Variants in GRIA4 observed in about 807,000 individuals in gnomAD.
GRIA4 encodes the protein glutamate ionotropic receptor AMPA type subunit 4, also known as glutamate receptor 4.
Under a neutral mutation model 104.0 loss-of-function variants are expected in GRIA4, and 34 were observed. The observed-to-expected ratio is 0.33, with a 90% confidence interval of 0.25 to 0.44. The LOEUF (loss-of-function observed/expected upper bound fraction) is 0.44. Ranked by LOEUF, GRIA4 falls within the 20% of genes least tolerant of loss-of-function variation. The pLI is 1.00. For missense variants in GRIA4, 750 were observed against 1,096.5 expected (o/e 0.68, Z 4.46); for synonymous variants, 386 against 381.9 (o/e 1.01, Z -0.13).
At chr11:105,761,555 A>C (rs1591209735) in intron 4 of GRIA4, among the ~76,000 whole-genome samples, 1 of 152,188 alleles carries the variant, frequency 6.6e-6, no homozygotes, top group South Asian at 2.1e-4. Context: ...CTAGGACTCA[A>C]CTGCCTCTGT....
At chr11:105,622,686 A>T (rs1950779934) in intron 3 of GRIA4, among the ~76,000 whole-genome samples, 1 of 151,338 alleles carries the variant, frequency 6.6e-6, no homozygotes, top group African/African-American at 2.4e-5. Context: ...TTTTATTTTA[A>T]TTTTTTTACT....
chr11:105,979,239 TAAA>T (rs879486467), intron 16 of GRIA4, among the ~76,000 whole-genome samples: 2 of 152,202 alleles, frequency 1.3e-5, no homozygotes, highest in Non-Finnish European at 2.9e-5. Context: ...TTGTCAAACA[TAAA>T]AGAGCTTTTA....
rs191117770 is a variant in GRIA4 at position 105,666,685 on chromosome 11, C to G, written c.247+54251C>G. 1.1e-4 allele frequency among the ~76,000 whole-genome samples: 16 copies of G among 151,908 alleles called. No homozygotes were observed. The South Asian group carries it at 1.7e-3, about 16-fold the overall frequency. ...TTTTGAAGTATTTATAAAAGAATAG[C>G]TAAATACACGTTGTGGTTAACTTAA... On this transcript the variant is annotated intron_variant, in intron 3 of 16. Coordinates refer to ENST00000282499, the MANE Select transcript of GRIA4 (RefSeq NM_000829.4).
chr11:105,688,983 G>A (rs910469190), intron 3 of GRIA4, among the ~76,000 whole-genome samples: 3 of 152,074 alleles, frequency 2.0e-5, no homozygotes, highest in African/African-American at 7.2e-5. Context: ...TGATGAACTG[G>A]GGGAAAATAC....
Position 105,924,500 on chromosome 11 carries a change from C to G in GRIA4, c.1578C>G (p.Ile526Met). 6.2e-7 allele frequency: 1 copy of G among 1,613,194 alleles called. No individual in the cohort carries two copies. The highest frequency in any genetic ancestry group is 8.5e-7 in the Non-Finnish European group (1 of 1,179,376). The change falls in exon 12 of 17, where the codon ATC becomes ATG. Residue 526 changes from isoleucine to methionine, a missense_variant. Ile to Met is a conservative substitution (Grantham distance 10). Transcript: ENST00000282499. ...TGAGTTTGGGCATATCTATCATGAT[C>G]AAAAAGCCTCAGAAATCCAAACCAG... is the stretch of plus-strand genomic sequence containing the variant. ...PFMSLGISIM[I>M]KKPQKSKPGV... is the part of the protein sequence containing the mutation.
chr11:105,755,149 G>C (rs1338913249), intron 4 of GRIA4, among the ~76,000 whole-genome samples: 1 of 152,168 alleles, frequency 6.6e-6, no homozygotes. Context: ...AGAGTAGTAT[G>C]TTTATGCAGG....
chr11:105,638,668 AT>A (rs1479607366), intron 3 of GRIA4, among the ~76,000 whole-genome samples: 1 of 151,878 alleles, frequency 6.6e-6, no homozygotes, highest in African/African-American at 2.4e-5. Flanking sequence ...ACTATTCTCC[AT>A]TTACTCTATT....
At chr11:105,849,417 G>A (rs1050298126) in intron 4 of GRIA4, among the ~76,000 whole-genome samples, 1 of 152,138 alleles carries the variant, frequency 6.6e-6, no homozygotes, top group African/African-American at 2.4e-5. Context: ...GACACCTAGT[G>A]TAACCTCTGA....
At chr11:105,806,462 A>T (rs927738848) in intron 4 of GRIA4, among the ~76,000 whole-genome samples, 1 of 151,920 alleles carries the variant, frequency 6.6e-6, no homozygotes, top group Admixed American at 6.6e-5. Flanking sequence ...ATATTGATTG[A>T]AAATGTATTT....
At chr11:105,907,914 A>C (rs1001215623) in intron 9 of GRIA4, among the ~76,000 whole-genome samples, 2 of 152,160 alleles carry the variant, frequency 1.3e-5, no homozygotes, top group African/African-American at 4.8e-5. Context: ...CCTGCAGCTC[A>C]AACCAAAATT....
chr11:105,932,140 C>CT (rs1301780953), intron 13 of GRIA4, among the ~76,000 whole-genome samples: 6 of 151,044 alleles, frequency 4.0e-5, no homozygotes, highest in Non-Finnish European at 5.9e-5. Context: ...CTTTTCTTTT[C>CT]TTTTTTTCTT....
intron 14 of GRIA4, among the ~76,000 whole-genome samples, chr11:105,965,537 T>C (rs1858315317): frequency 6.9e-6 from 1 of 145,306 alleles, no homozygotes; most frequent in African/African-American, 2.6e-5. Context: ...TGATGGTTTG[T>C]ATATGCCATT....
chr11:105,808,838 T>A (rs1424809122), intron 4 of GRIA4, among the ~76,000 whole-genome samples: 1 of 152,118 alleles, frequency 6.6e-6, no homozygotes, highest in Non-Finnish European at 1.5e-5. Flanking sequence ...AACAGAAAGA[T>A]CTACAGCTAA....
chr11:105,769,271 T>C (rs1045372109), intron 4 of GRIA4, among the ~76,000 whole-genome samples: 1 of 152,074 alleles, frequency 6.6e-6, no homozygotes, highest in African/African-American at 2.4e-5. Context: ...TTGAGGCACA[T>C]GCAAGACTGT....
rs538301076 is a variant in GRIA4 at position 105,640,690 on chromosome 11, A to G, written c.247+28256A>G. Among the ~76,000 whole-genome samples, 25 of 152,060 alleles carry G rather than the reference A, an allele frequency of 1.6e-4. No homozygotes were observed. In the South Asian group the frequency reaches 3.7e-3, roughly 23 times the overall value. Reference sequence around the variant, plus strand: ...ACTTATTTCTATTTAATATATTTCTATTTTAAAGGTTCTTGACATTTACTG... The same window carrying G: ...ACTTATTTCTATTTAATATATTTCTGTTTTAAAGGTTCTTGACATTTACTG... On this transcript the variant is annotated intron_variant, in intron 3 of 16. Transcript: ENST00000282499.
At chr11:105,633,043 T>C (rs1357096506) in intron 3 of GRIA4, among the ~76,000 whole-genome samples, 1 of 152,150 alleles carries the variant, frequency 6.6e-6, no homozygotes, top group Non-Finnish European at 1.5e-5. Context: ...AGCAATATTA[T>C]GAGTTTGTTT....
intron 3 of GRIA4, among the ~76,000 whole-genome samples, chr11:105,659,205 G>A (rs1180779239): frequency 4.0e-5 from 6 of 151,828 alleles, no homozygotes; most frequent in Non-Finnish European, 7.4e-5. Flanking sequence ...TCATCTTCCA[G>A]GTAAACTTGT....
chr11:105,789,206 A>C (rs1942108936), intron 4 of GRIA4, among the ~76,000 whole-genome samples: 1 of 152,170 alleles, frequency 6.6e-6, no homozygotes, highest in Non-Finnish European at 1.5e-5. Flanking sequence ...CAGCAAAAAC[A>C]ACTTAAGATG....
At chr11:105,863,247 A>C (rs1427917372) in intron 5 of GRIA4, among the ~76,000 whole-genome samples, 4 of 152,178 alleles carry the variant, frequency 2.6e-5, no homozygotes, top group Admixed American at 2.0e-4. Flanking sequence ...TCCTTCCTCA[A>C]CTATATTAGC....
Sources: allele counts gnomAD v4.1 joint callset (sites outside exome capture counted in the v4.1 genomes callset), GRCh38; gene constraint gnomAD v4.1.1; transcripts MANE v1.5; gene names NCBI Gene and HGNC (gene_info 2026-07-23, HGNC 2026-07-21).